SASH1: variants seen among roughly 807,000 people sequenced by gnomAD.
The protein encoded by SASH1 is SAM and SH3 domain containing 1.
A neutral mutation model predicts 125.2 loss-of-function variants in SASH1; 44 were observed. That is an observed-to-expected ratio of 0.35 (90% CI 0.28 to 0.45). SASH1 has a LOEUF of 0.45. Ranked by LOEUF, SASH1 falls within the 20% of genes least tolerant of loss-of-function variation. The pLI is 1.00. For synonymous variants in SASH1, 639 were observed against 649.1 expected (o/e 0.98, Z 0.24); for missense variants, 1,426 against 1,614.5 (o/e 0.88, Z 2.00).
chr6:148,437,266 T>A (rs1776330676), intron 2 of SASH1, among the ~76,000 whole-genome samples: 3 of 152,344 alleles, frequency 2.0e-5, no homozygotes, highest in Admixed American at 2.0e-4. Flanking sequence ...TACAAGCTTC[T>A]CCTCAGTTGT....
chr6:148,431,545 AATTGAC>A (rs1776060438), intron 2 of SASH1, among the ~76,000 whole-genome samples: 1 of 152,108 alleles, frequency 6.6e-6, no homozygotes, highest in Non-Finnish European at 1.5e-5. Context: ...ATGTTCCATG[AATTGAC>A]TGGAATAGAG....
chr6:148,497,155 G>C (rs1779348276), intron 8 of SASH1, among the ~76,000 whole-genome samples: 2 of 152,154 alleles, frequency 1.3e-5, no homozygotes, highest in South Asian at 2.1e-4. Context: ...CTACAGCTTA[G>C]GGTGAGACTA....
intron 1 of SASH1, among the ~76,000 whole-genome samples, chr6:148,290,894 AAAAAG>A (rs1779615145): frequency 6.6e-6 from 1 of 151,618 alleles, no homozygotes; most frequent in African/African-American, 2.4e-5. Context: ...TTAAAAAAAA[AAAAAG>A]AAAGAGAAAA....
rs780383394 is a variant in SASH1, at chr6:148,487,740, C to T, written c.729+25C>T. The T allele has an allele frequency of 2.0e-6, 3 of 1,484,376 alleles. No homozygotes were observed. The South Asian group carries it at 3.4e-5, about 17-fold the overall frequency. 92.0% of individuals were successfully genotyped at this position (1,484,376 alleles called of 1,614,324 possible). The stretch of plus-strand genomic sequence containing the variant: ...TGTGAGTTTATCATGTCTTTGACAT[C>T]TTGATCACCTACGCCGATAAGGGAC... On this transcript the variant is annotated intron_variant, in intron 8 of 19. Transcript: ENST00000367467.
intron 4 of SASH1, among the ~76,000 whole-genome samples, chr6:148,466,111 G>A (rs936114382): frequency 6.6e-6 from 1 of 152,202 alleles, no homozygotes; most frequent in South Asian, 2.1e-4. Flanking sequence ...TAGGAGGAAG[G>A]AGAGTAGGTC....
intron 2 of SASH1, among the ~76,000 whole-genome samples, chr6:148,417,679 C>T (rs1054862369): frequency 6.6e-6 from 1 of 152,010 alleles, no homozygotes. Flanking sequence ...TGGTCTTGGG[C>T]AAGATGACTT....
In SASH1 at chr6:148,531,572, C is replaced by G; in HGVS notation, c.1475C>G (p.Pro492Arg). 1.9e-6 allele frequency: 3 copies of G among 1,570,050 alleles called. No individual in the cohort carries two copies. Among genetic ancestry groups the G allele is most frequent in the Non-Finnish European group, 2.6e-6 (3 of 1,156,768 alleles). Residue 492 changes from proline (P) to arginine (R), a missense_variant, in exon 13 of 20, where the codon CCC becomes CGC. Pro to Arg is a moderately radical substitution (Grantham distance 103). Around this residue, in one of 3 missense-constraint regions of SASH1, gnomAD observed 225 missense variants for 344.5 expected, o/e 0.65. Coordinates refer to ENST00000367467, the MANE Select transcript of SASH1 (RefSeq NM_015278.5). ...CCTGGCTCCCCTCCGCCTTCACAGC[C>G]CGACCCCGAACACTTGGACAAGCCC... ...GMPGSPPPSQPDPEHLDKPKL... is the reference protein window; with the variant it reads ...GMPGSPPPSQRDPEHLDKPKL...
chr6:148,531,681 G>GTAGA lies in SASH1; in HGVS notation c.1564+22_1564+25dup. On this transcript the variant is annotated intron_variant, in intron 13 of 19. Coordinates refer to ENST00000367467, the MANE Select transcript of SASH1 (RefSeq NM_015278.5). ...CCATGAGTAAGTCGAGTTTGTCATT[G>GTAGA]TAGATTATTTTCTTTGGAGTTAATA... 1 of 1,483,864 alleles carries GTAGA rather than the reference G, an allele frequency of 6.7e-7. No individual in the cohort carries two copies. Among genetic ancestry groups the GTAGA allele is most frequent in the African/African-American group, 1.4e-5 (1 of 69,844 alleles). 91.9% of individuals were successfully genotyped at this position (1,483,864 alleles called of 1,614,324 possible).
chr6:148,309,114 C>T (rs1780228427), intron 1 of SASH1, among the ~76,000 whole-genome samples: 1 of 146,206 alleles, frequency 6.8e-6, no homozygotes, highest in South Asian at 2.2e-4. Flanking sequence ...GATTCTCTTT[C>T]TCTAAATGGT....
chr6:148,367,116 G>T (rs1782493889), intron 1 of SASH1, among the ~76,000 whole-genome samples: 1 of 151,944 alleles, frequency 6.6e-6, no homozygotes, highest in African/African-American at 2.4e-5. Flanking sequence ...TGGAGGCAGG[G>T]TTTCACCACA....
chr6:148,344,097 T>C (rs1200807904), intron 1 of SASH1, among the ~76,000 whole-genome samples: 1 of 152,184 alleles, frequency 6.6e-6, no homozygotes, highest in East Asian at 1.9e-4. Flanking sequence ...GGAGTGAAAG[T>C]TCTTCTTTGG....
intron 1 of SASH1, among the ~76,000 whole-genome samples, chr6:148,334,132 G>A (rs1444113986): frequency 1.6e-5 from 1 of 64,250 alleles, no homozygotes; most frequent in Non-Finnish European, 3.0e-5. Context: ...TATTTTAAGA[G>A]ATAATAGCAG....
chr6:148,347,082 A>G (rs1403852798), intron 1 of SASH1, among the ~76,000 whole-genome samples: 1 of 152,114 alleles, frequency 6.6e-6, no homozygotes, highest in African/African-American at 2.4e-5. Flanking sequence ...GGAATTGCTA[A>G]GGTTGTTGAT....
the SASH1 span, among the ~76,000 whole-genome samples, chr6:148,253,595 G>A: frequency 6.6e-5 from 10 of 152,272 alleles, no homozygotes; most frequent in African/African-American, 2.2e-4. Flanking sequence ...CCCATTGGCC[G>A]GGTGCGGTGG....
intron 4 of SASH1, among the ~76,000 whole-genome samples, chr6:148,448,917 C>T (rs911982107): frequency 2.0e-5 from 3 of 152,106 alleles, no homozygotes; most frequent in African/African-American, 7.2e-5. Context: ...TTCACCCAGA[C>T]TTTTTCATCA....
rs114623235 is a variant in SASH1, at chr6:148,456,032, C to T, written c.387-12513C>T. Among the ~76,000 whole-genome samples, 577 of 152,332 alleles carry T rather than the reference C, an allele frequency of 3.8e-3. 4 individuals carry two copies. The highest frequency in any genetic ancestry group is 0.013 in the African/African-American group (531 of 41,580). The stretch of plus-strand genomic sequence containing the variant: ...GGTCCTCTGTGTCCAGGCTGCACAA[C>T]GGCCTGCGTGGCCAGCAGGCCTCGG... On this transcript the variant is annotated intron_variant, in intron 4 of 19. Coordinates refer to ENST00000367467, the MANE Select transcript of SASH1 (RefSeq NM_015278.5).
intron 4 of SASH1, among the ~76,000 whole-genome samples, chr6:148,453,637 G>A (rs1293146496): frequency 6.6e-6 from 1 of 152,130 alleles, no homozygotes; most frequent in Non-Finnish European, 1.5e-5. Context: ...GACCAGTGAT[G>A]GGCCAGGCAG....
intron 2 of SASH1, among the ~76,000 whole-genome samples, chr6:148,392,181 G>A (rs1783753101): frequency 1.3e-5 from 2 of 151,958 alleles, no homozygotes; most frequent in South Asian, 4.1e-4. Flanking sequence ...AACTACTCGG[G>A]AGGCTGAGGC....
the SASH1 span, among the ~76,000 whole-genome samples, chr6:148,208,588 A>T: frequency 6.6e-6 from 1 of 152,294 alleles, no homozygotes; most frequent in Non-Finnish European, 1.5e-5. Flanking sequence ...AAATCATGGC[A>T]TTTCTGTTGC....
Sources: allele counts gnomAD v4.1 joint callset (sites outside exome capture counted in the v4.1 genomes callset), GRCh38; gene constraint gnomAD v4.1.1; regional missense constraint gnomAD v4.1.1; transcripts MANE v1.5; gene names NCBI Gene and HGNC (gene_info 2026-07-23, HGNC 2026-07-21).